The following NRG1 variants were observed in gnomAD, a reference collection of about 807,000 sequenced individuals.
The protein encoded by NRG1 is pro-neuregulin-1, membrane-bound isoform.
A neutral mutation model predicts 63.8 loss-of-function variants in NRG1; 18 were observed. The ratio of observed to expected loss-of-function variants is 0.28; its 90% CI spans 0.19 to 0.42. The LOEUF is 0.42. Among genes scored for constraint, NRG1 ranks in the 10% least tolerant of loss-of-function variants. The pLI is 1.00. For missense variants in NRG1, 762 were observed against 814.7 expected (o/e 0.94, Z 0.79); for synonymous variants, 302 against 301.3 (o/e 1.00, Z -0.02).
intron 5 of NRG1, among the ~76,000 whole-genome samples, chr8:32,693,218 T>G (rs916148347): frequency 6.6e-6 from 1 of 151,516 alleles, no homozygotes; most frequent in Non-Finnish European, 1.5e-5. Context: ...GTCACTCTTT[T>G]TTTTTTTTTT....
intron 5 of NRG1, among the ~76,000 whole-genome samples, chr8:32,685,105 C>T (rs201555115): frequency 2.0e-5 from 3 of 152,090 alleles, no homozygotes; most frequent in East Asian, 1.9e-4. Flanking sequence ...TTTTCATCAG[C>T]GCAGGAATGT....
At chr8:32,117,782 T>A (rs1287851315) in intron 1 of NRG1, among the ~76,000 whole-genome samples, 3 of 152,138 alleles carry the variant, frequency 2.0e-5, no homozygotes, top group African/African-American at 7.2e-5. Context: ...TCTTTGACAA[T>A]TTTTGTAATT....
chr8:32,576,735 A>T (rs1043492513), intron 1 of NRG1, among the ~76,000 whole-genome samples: 1 of 151,970 alleles, frequency 6.6e-6, no homozygotes, highest in Non-Finnish European at 1.5e-5. Context: ...TAAAAGGCAG[A>T]TTCTTTTTTC....
At chr8:31,709,957 T>G (rs1322060893) in intron 1 of NRG1, among the ~76,000 whole-genome samples, 2 of 151,754 alleles carry the variant, frequency 1.3e-5, no homozygotes, top group Admixed American at 6.6e-5. Context: ...TCCTTTTCCA[T>G]TGATTTTTTG....
chr8:31,929,516 C>G (rs1051438947), intron 1 of NRG1, among the ~76,000 whole-genome samples: 1 of 151,828 alleles, frequency 6.6e-6, no homozygotes, highest in African/African-American at 2.4e-5. Context: ...ACATAATACA[C>G]ACACATGTCT....
At chr8:32,718,788 G>T (rs1285122813) in intron 5 of NRG1, among the ~76,000 whole-genome samples, 1 of 152,010 alleles carries the variant, frequency 6.6e-6, no homozygotes, top group Non-Finnish European at 1.5e-5. Flanking sequence ...CTTAATATAT[G>T]ACTCTTTTAA....
At chr8:31,967,020 G>C (rs1026770913) in intron 1 of NRG1, among the ~76,000 whole-genome samples, 2 of 152,016 alleles carry the variant, frequency 1.3e-5, no homozygotes, top group African/African-American at 4.8e-5. Flanking sequence ...ATTATGTTTT[G>C]TTTGGGATCA....
chr8:32,736,911 A>C (rs72636310), intron 6 of NRG1, among the ~76,000 whole-genome samples: 8,773 of 152,274 alleles, frequency 0.058, 327 homozygotes, highest in Middle Eastern at 0.13. Context: ...AATGGAAAAT[A>C]ATTTATTCAA....
At chr8:32,156,940 A>G (rs1022816175) in intron 1 of NRG1, among the ~76,000 whole-genome samples, 3 of 152,134 alleles carry the variant, frequency 2.0e-5, no homozygotes, top group Non-Finnish European at 4.4e-5. Flanking sequence ...CTATCTCTTA[A>G]AAAAAGTTCT....
intron 5 of NRG1, among the ~76,000 whole-genome samples, chr8:32,727,427 A>C (rs1822492072): frequency 6.6e-6 from 1 of 152,236 alleles, no homozygotes; most frequent in Non-Finnish European, 1.5e-5. Flanking sequence ...CTAATAATCT[A>C]TAATGTTTTC....
At chr8:31,787,293 T>G (rs1048104549) in intron 1 of NRG1, among the ~76,000 whole-genome samples, 1 of 152,248 alleles carries the variant, frequency 6.6e-6, no homozygotes, top group African/African-American at 2.4e-5. Flanking sequence ...TAAAGATGCA[T>G]TTCATCACTT....
intron 1 of NRG1, among the ~76,000 whole-genome samples, chr8:32,192,753 G>A (rs911653549): frequency 5.9e-5 from 9 of 151,912 alleles, no homozygotes; most frequent in African/African-American, 2.2e-4. Context: ...AAAAAAATAA[G>A]TAAGTAAAAC....
At chr8:32,058,876 A>T (rs1823395856) in intron 1 of NRG1, among the ~76,000 whole-genome samples, 1 of 152,012 alleles carries the variant, frequency 6.6e-6, no homozygotes, top group Non-Finnish European at 1.5e-5. Context: ...ACTTCTTCTC[A>T]CTCATTTCAG....
intron 1 of NRG1, among the ~76,000 whole-genome samples, chr8:32,525,183 C>G (rs988731165): frequency 6.6e-6 from 1 of 152,082 alleles, no homozygotes; most frequent in African/African-American, 2.4e-5. Context: ...GCTACAAGCC[C>G]CCATTTGAGC....
At chr8:31,836,631 T>C (rs1825715225) in intron 1 of NRG1, among the ~76,000 whole-genome samples, 1 of 152,096 alleles carries the variant, frequency 6.6e-6, no homozygotes, top group African/African-American at 2.4e-5. Context: ...AAGGGTACTT[T>C]AAAACAGATA....
At chr8:32,701,647 G>A (rs1814920147) in intron 5 of NRG1, among the ~76,000 whole-genome samples, 1 of 152,142 alleles carries the variant, frequency 6.6e-6, no homozygotes, top group South Asian at 2.1e-4. Context: ...TAAAGTGAAT[G>A]TTTTCAACTA....
intron 5 of NRG1, among the ~76,000 whole-genome samples, chr8:32,669,473 C>T (rs566678338): frequency 2.8e-4 from 42 of 152,172 alleles, no homozygotes; most frequent in African/African-American, 7.9e-4. Flanking sequence ...CCAAGAGTGC[C>T]GAAAGCTACA....
intron 1 of NRG1, among the ~76,000 whole-genome samples, chr8:32,115,720 C>A (rs1389398820): frequency 6.6e-6 from 1 of 152,122 alleles, no homozygotes; most frequent in Non-Finnish European, 1.5e-5. Context: ...TTTACTTAAT[C>A]CTCACAACAT....
At chr8:31,700,123 G>T (rs1437830049) in intron 1 of NRG1, among the ~76,000 whole-genome samples, 1 of 152,160 alleles carries the variant, frequency 6.6e-6, no homozygotes, top group South Asian at 2.1e-4. Flanking sequence ...TTAAAAAAGA[G>T]AACATCTGAT....
Sources: gnomAD v4.1 joint callset for allele counts (sites outside exome capture counted in the v4.1 genomes callset) on GRCh38, gnomAD v4.1.1 for gene constraint, MANE v1.5 for transcripts, NCBI Gene and HGNC (gene_info 2026-07-23, HGNC 2026-07-21) for gene names.